The following TBX19 variants were observed in gnomAD, a reference collection of about 807,000 sequenced individuals.
TBX19 encodes T-box transcription factor TBX19.
Under a neutral mutation model 40.9 loss-of-function variants are expected in TBX19, and 33 were observed. The ratio of observed to expected loss-of-function variants is 0.81; its 90% CI spans 0.61 to 1.08. The LOEUF (loss-of-function observed/expected upper bound fraction) is 1.08. TBX19 is among the 50% of genes least tolerant of loss of function. The pLI is 0.00. For missense variants in TBX19, 494 were observed against 574.0 expected, an observed-to-expected ratio of 0.86 and a Z score of 1.42; for synonymous variants, 220 against 225.0, an observed-to-expected ratio of 0.98 and a Z score of 0.20.
At chr1:168,294,389 A>G (rs1282635907) in intron 3 of TBX19, among the ~76,000 whole-genome samples, 1 of 151,794 alleles carries the variant, frequency 6.6e-6, no homozygotes, top group Non-Finnish European at 1.5e-5. Context: ...GCTGGAGTGC[A>G]ATGGTGTGAT....
chr1:168,306,594 C>T (rs1414520937), intron 6 of TBX19, among the ~76,000 whole-genome samples: 1 of 128,370 alleles, frequency 7.8e-6, no homozygotes. Context: ...CCACTGCACT[C>T]TAGCCTGGGC....
At chr1:168,298,409 T>A (rs1649170959) in intron 4 of TBX19, among the ~76,000 whole-genome samples, 1 of 144,956 alleles carries the variant, frequency 6.9e-6, no homozygotes, top group East Asian at 1.9e-4. Context: ...TCACTCTGCC[T>A]TTTTCCTAAT....
At chr1:168,301,504 G>T (rs976868330) in intron 5 of TBX19, among the ~76,000 whole-genome samples, 1 of 152,084 alleles carries the variant, frequency 6.6e-6, no homozygotes, top group Non-Finnish European at 1.5e-5. Context: ...CTTGTGATCC[G>T]CCTGCCTCGA....
chr1:168,301,031 G>C (rs968544299), intron 5 of TBX19, among the ~76,000 whole-genome samples: 2 of 152,236 alleles, frequency 1.3e-5, no homozygotes, highest in African/African-American at 2.4e-5. Flanking sequence ...TCCCAGGATG[G>C]TGGAGGGAAT....
chr1:168,294,355 CAG>C (rs1298459718), intron 3 of TBX19, among the ~76,000 whole-genome samples: 1 of 150,824 alleles, frequency 6.6e-6, no homozygotes, highest in Non-Finnish European at 1.5e-5. Context: ...TTTTTTGAGA[CAG>C]AGTTTCACTC....
intron 5 of TBX19, among the ~76,000 whole-genome samples, chr1:168,303,915 A>G (rs1311299863): frequency 2.0e-5 from 3 of 152,102 alleles, no homozygotes; most frequent in Non-Finnish European, 4.4e-5. Context: ...GGTCATTTTC[A>G]TTGCCATCTT....
chr1:168,286,506 T>A (rs1429341907), intron 1 of TBX19, among the ~76,000 whole-genome samples: 1 of 152,254 alleles, frequency 6.6e-6, no homozygotes, highest in Non-Finnish European at 1.5e-5. Flanking sequence ...GTCAACAACT[T>A]CTTTTACTTA....
chr1:168,291,794 T>C (rs1186830459), intron 2 of TBX19, among the ~76,000 whole-genome samples: 2 of 152,072 alleles, frequency 1.3e-5, no homozygotes, highest in East Asian at 3.9e-4. Flanking sequence ...ATGCTGGCAA[T>C]AGACAAATAC....
chr1:168,298,614 TTC>T (rs1263314071), intron 4 of TBX19, among the ~76,000 whole-genome samples: 1 of 151,816 alleles, frequency 6.6e-6, no homozygotes, highest in Non-Finnish European at 1.5e-5. Context: ...CTTCCTTCCT[TTC>T]TCTCTTTTTT....
rs562481396 is a variant in TBX19, at chr1:168,296,894, G to A, written c.604-830G>A. ...AAAAAAAATATATATATATGTGTGT[G>A]TATATATATATTCTGTAAATATTTA... is the stretch of plus-strand genomic sequence containing the variant. On this transcript the variant is annotated intron_variant, in intron 3 of 7. Coordinates refer to ENST00000367821, the MANE Select transcript of TBX19 (RefSeq NM_005149.3). 3.9e-4 allele frequency among the ~76,000 whole-genome samples: 60 copies of A among 151,976 alleles called. 1 individual carries two copies. The East Asian group carries it at 9.9e-3, about 25-fold the overall frequency.
Position 168,281,172 on chromosome 1 carries a change from C to T in TBX19, c.82C>T (p.Gln28Ter), listed in dbSNP as rs202179787. 7.0e-5 allele frequency: 113 copies of T among 1,614,152 alleles called. No homozygotes were observed. The highest frequency in any genetic ancestry group is 5.1e-6 in the Non-Finnish European group (6 of 1,180,020). Residue 28 changes from glutamine to a stop codon, truncating the protein, a stop_gained, in exon 1 of 8, where the codon CAG (glutamine) becomes TAG (stop). Coordinates refer to ENST00000367821, the MANE Select transcript of TBX19 (RefSeq NM_005149.3). LOFTEE classifies it high-confidence loss of function. ...HLLNVVESELQAGREKGDPTE... is the reference protein window; with the variant it reads ...HLLNVVESEL ...GCTCAATGTGGTGGAGAGTGAGCTT[C>T]AGGCAGGGAGGGAAAAAGGCGACCC...
At chr1:168,292,818 A>C (rs12044763) in intron 2 of TBX19, among the ~76,000 whole-genome samples, 44 of 146,680 alleles carry the variant, frequency 3.0e-4, no homozygotes, top group East Asian at 1.9e-3. Context: ...GAGCTGAGAT[A>C]GCGCCACTGC....
At chr1:168,284,746 G>A (rs1332361057) in intron 1 of TBX19, among the ~76,000 whole-genome samples, 1 of 140,136 alleles carries the variant, frequency 7.1e-6, no homozygotes, top group Non-Finnish European at 1.5e-5. Flanking sequence ...ACGAGCCTGG[G>A]CAACAGAGTG....
chr1:168,296,445 A>C (rs897144116), intron 3 of TBX19, among the ~76,000 whole-genome samples: 1 of 152,170 alleles, frequency 6.6e-6, no homozygotes, highest in African/African-American at 2.4e-5. Flanking sequence ...CACATCTTAC[A>C]TGGTGACAGG....
At chr1:168,293,025 T>C (rs1648984685) in intron 2 of TBX19, 119 bp from the exon 3 acceptor site, 2 of 1,553,946 alleles carry the variant, frequency 1.3e-6, no homozygotes, top group Non-Finnish European at 1.8e-6. Context: ...GGATTTGAAA[T>C]GTGTGTCCCT....
Position 168,291,333 on chromosome 1 carries a change from C to T in TBX19, c.377C>T (p.Pro126Leu), listed in dbSNP as rs753455443. 6.8e-6 allele frequency: 11 copies of T among 1,614,102 alleles called. No individual in the cohort carries two copies. Among genetic ancestry groups the T allele is most frequent in the East Asian group, 2.2e-5 (1 of 44,898 alleles). The change falls in exon 2 of 8, where the codon CCG (proline) becomes CTG (leucine). Residue 126 changes from proline (P) to leucine (L), a missense_variant. This residue lies in a region of TBX19 where 201 missense variants were observed against 235.2 expected (regional missense o/e 0.85). Coordinates refer to ENST00000367821, the MANE Select transcript of TBX19 (RefSeq NM_005149.3). ...AGCCACAGCTGCGTCTACATTCACC[C>T]GGACTCCCCCAACTTTGGGGCCCAC... is the stretch of plus-strand genomic sequence containing the variant. ...VSSHSCVYIH[P>L]DSPNFGAHWM...
intron 1 of TBX19, among the ~76,000 whole-genome samples, chr1:168,288,474 A>T (rs1365548019): frequency 1.3e-5 from 2 of 152,304 alleles, no homozygotes; most frequent in Non-Finnish European, 2.9e-5. Flanking sequence ...AGGCTGAGGT[A>T]GGAGTTGAGC....
At chr1:168,306,618 C>T (rs1044669470) in intron 6 of TBX19, among the ~76,000 whole-genome samples, 1 of 122,980 alleles carries the variant, frequency 8.1e-6, no homozygotes, top group Admixed American at 9.0e-5. Context: ...AAGAGCAAGA[C>T]GCCATCTCAA....
At chr1:168,292,690 C>T (rs958615743) in intron 2 of TBX19, among the ~76,000 whole-genome samples, 2 of 151,872 alleles carry the variant, frequency 1.3e-5, no homozygotes, top group African/African-American at 4.8e-5. Context: ...TGGTGAAACC[C>T]CGTCTCTACT....
Sources: allele counts gnomAD v4.1 joint callset (sites outside exome capture counted in the v4.1 genomes callset), GRCh38; gene constraint gnomAD v4.1.1; regional missense constraint gnomAD v4.1.1; transcripts MANE v1.5; gene names NCBI Gene and HGNC (gene_info 2026-07-23, HGNC 2026-07-21).